The following EIF2B3 variants were observed in gnomAD, a reference collection of about 807,000 sequenced individuals.
The protein encoded by EIF2B3 is translation initiation factor eIF2B subunit gamma.
In EIF2B3, 20 loss-of-function variants were observed where a neutral mutation model predicts 54.1. The observed-to-expected ratio is 0.37, with a 90% CI of 0.26 to 0.54. The LOEUF is 0.54. EIF2B3 is among the 20% of genes least tolerant of loss of function. The pLI is 0.86. For synonymous variants in EIF2B3, 153 were observed against 188.1 expected (o/e 0.81, Z 1.52); for missense variants, 448 against 547.8 (o/e 0.82, Z 1.82).
At chr1:44,862,692 C>A (rs780707049) in intron 10 of EIF2B3, among the ~76,000 whole-genome samples, 3 of 152,168 alleles carry the variant, frequency 2.0e-5, no homozygotes, top group Non-Finnish European at 4.4e-5. Flanking sequence ...GTGGCGCGAT[C>A]TCGGCTCACT....
At chr1:44,913,040 A>G (rs941380248) in intron 5 of EIF2B3, among the ~76,000 whole-genome samples, 2 of 148,890 alleles carry the variant, frequency 1.3e-5, no homozygotes, top group African/African-American at 4.9e-5. Context: ...TAACTAAATG[A>G]CCTTCCAGCT....
intron 10 of EIF2B3, among the ~76,000 whole-genome samples, chr1:44,859,171 C>T (rs1432462615): frequency 6.6e-6 from 1 of 152,048 alleles, no homozygotes; most frequent in African/African-American, 2.4e-5. Context: ...CATGGTGGTG[C>T]ATGCCTGTAG....
In EIF2B3 at chr1:44,984,797, C is replaced by CTTTTTTTTTTTTTTTTT. The variant is rs71040529; in HGVS notation, c.-10+1679_-10+1695dup. Among the ~76,000 whole-genome samples the CTTTTTTTTTTTTTTTTT allele has an allele frequency of 1.2e-4, 11 of 88,534 alleles. 3 individuals are homozygous for CTTTTTTTTTTTTTTTTT. The East Asian group carries it at 2.4e-3, about 19-fold the overall frequency. The allele number at this position is 88,534 out of a possible 152,430, so 58.1% of individuals were successfully genotyped here. A position where few individuals can be genotyped will look rare whatever the true frequency, so the allele number is the denominator to read the frequency against. On this transcript the variant is annotated intron_variant, in intron 1 of 11. Transcript: ENST00000360403. ...GTAAAGCAGACAAAATAATGTCCAT[C>CTTTTTTTTTTTTTTTTT]TTTTTTTTTTTTTTTTTTTTGAGAC...
At chr1:44,972,621 A>ACACACAC (rs1557711832) in intron 3 of EIF2B3, 2 of 81,848 alleles carry the variant, frequency 2.4e-5, no homozygotes, top group African/African-American at 1.3e-4. Flanking sequence ...ATAATAAATA[A>ACACACAC]ATACACACAC....
In EIF2B3 at chr1:44,923,681, T is replaced by C. The variant is rs192323958; in HGVS notation, c.566+2947A>G. 2.1e-3 allele frequency among the ~76,000 whole-genome samples: 326 copies of C among 152,286 alleles called. 3 individuals carry two copies. Among genetic ancestry groups the C allele is most frequent in the Non-Finnish European group, 1.7e-3 (116 of 68,016 alleles). On this transcript the variant is annotated intron_variant, in intron 5 of 11. Coordinates refer to ENST00000360403, the MANE Select transcript of EIF2B3 (RefSeq NM_020365.5). ...ATTTCTTTCTTTCTAGAAATCCATG[T>C]TCTAATTCAGAGGCATTAATTCATT...
chr1:44,967,596 C>T (rs1427708719), intron 3 of EIF2B3, among the ~76,000 whole-genome samples: 9 of 150,516 alleles, frequency 6.0e-5, no homozygotes, highest in African/African-American at 1.5e-4. Flanking sequence ...AAAAATTAGC[C>T]GGGTGTGGTG....
chr1:44,962,892 C>T (rs1420383543), intron 3 of EIF2B3, among the ~76,000 whole-genome samples: 2 of 152,170 alleles, frequency 1.3e-5, no homozygotes, highest in African/African-American at 4.8e-5. Flanking sequence ...TGACAGATGT[C>T]TTCTAATCCC....
intron 4 of EIF2B3, among the ~76,000 whole-genome samples, chr1:44,928,806 T>C (rs1232352221): frequency 1.2e-4 from 18 of 152,196 alleles, no homozygotes; most frequent in Admixed American, 1.2e-3. Context: ...AGTACAGTGT[T>C]ACATACTTAA....
chr1:44,857,024 G>A (rs11211048), intron 11 of EIF2B3, among the ~76,000 whole-genome samples: 27,454 of 151,876 alleles, frequency 0.18, 2,736 homozygotes, highest in Admixed American at 0.28. Context: ...AGGCTCAAGC[G>A]ATCCTCACAT....
chr1:44,977,959 GC>G (rs1425861366), intron 3 of EIF2B3, among the ~76,000 whole-genome samples: 1 of 151,996 alleles, frequency 6.6e-6, no homozygotes, highest in African/African-American at 2.4e-5. Flanking sequence ...TGCACTGGGG[GC>G]CAGGCGTGAT....
At chr1:44,961,881 C>G (rs1026033189) in intron 3 of EIF2B3, among the ~76,000 whole-genome samples, 12 of 152,076 alleles carry the variant, frequency 7.9e-5, no homozygotes, top group African/African-American at 2.9e-4. Context: ...CCACATCACC[C>G]TACCTTATCA....
At chr1:44,975,419 C>T (rs925098452) in intron 3 of EIF2B3, among the ~76,000 whole-genome samples, 1 of 152,100 alleles carries the variant, frequency 6.6e-6, no homozygotes, top group Non-Finnish European at 1.5e-5. Context: ...ATAGTATAGC[C>T]TACTACATAC....
intron 2 of EIF2B3, among the ~76,000 whole-genome samples, 158 bp from the exon 3 acceptor site, chr1:44,978,618 A>ATTTTTTTTTTT (rs1330964091): frequency 1.0e-5 from 1 of 97,214 alleles, no homozygotes; most frequent in African/African-American, 4.2e-5. Flanking sequence ...CCCCCAATAA[A>ATTTTTTTTTTT]TTCTTTTTTT....
chr1:44,984,537 T>C (rs77813232), intron 1 of EIF2B3, among the ~76,000 whole-genome samples: 1,713 of 152,162 alleles, frequency 0.011, 34 homozygotes, highest in African/African-American at 0.039. Context: ...ATCAGGGGCC[T>C]GACATTTAAA....
intron 10 of EIF2B3, 119 bp downstream of exon 10, chr1:44,874,559 C>T (rs1422222450): frequency 1.9e-6 from 2 of 1,043,762 alleles, no homozygotes; most frequent in Non-Finnish European, 2.8e-6. Context: ...TATTCTATTG[C>T]CCTCTTGATT....
chr1:44,946,444 C>CTTTTTTTTTTTTT (rs758880130), intron 3 of EIF2B3, among the ~76,000 whole-genome samples: 48 of 140,336 alleles, frequency 3.4e-4, no homozygotes, highest in African/African-American at 1.0e-3. Context: ...TTCATAATAC[C>CTTTTTTTTTTTTT]TTTTTTTTTT....
intron 5 of EIF2B3, among the ~76,000 whole-genome samples, chr1:44,909,273 C>T (rs1015035917): frequency 6.6e-5 from 10 of 150,988 alleles, no homozygotes; most frequent in African/African-American, 1.9e-4. Context: ...TAAACATAAG[C>T]GTTAACCCAT....
At chr1:44,906,720 C>T (rs113482647) in intron 5 of EIF2B3, among the ~76,000 whole-genome samples, 2 of 152,142 alleles carry the variant, frequency 1.3e-5, no homozygotes, top group African/African-American at 2.4e-5. Context: ...TATGAAACAA[C>T]CTAGCTCAGA....
chr1:44,948,545 A>C (rs1285051285), intron 3 of EIF2B3, among the ~76,000 whole-genome samples: 1 of 152,074 alleles, frequency 6.6e-6, no homozygotes, highest in Non-Finnish European at 1.5e-5. Context: ...CTTACCTTAA[A>C]ATTTTTAAAA....
Sources: gnomAD v4.1 joint callset for allele counts (sites outside exome capture counted in the v4.1 genomes callset) on GRCh38, gnomAD v4.1.1 for gene constraint, MANE v1.5 for transcripts, NCBI Gene and HGNC (gene_info 2026-07-23, HGNC 2026-07-21) for gene names.